The following CD33 variants were observed in gnomAD, a reference collection of about 807,000 sequenced individuals.
CD33 encodes CD33 molecule.
CD33 carries 25 observed loss-of-function variants against 31.4 expected under a neutral mutation model. The ratio of observed to expected loss-of-function variants is 0.80; its 90% CI spans 0.58 to 1.11. The LOEUF (loss-of-function observed/expected upper bound fraction) is 1.11. CD33 is among the 50% of genes most tolerant of loss of function. The pLI, the probability that CD33 is intolerant of heterozygous loss-of-function variation, is 0.00. For synonymous variants in CD33, 176 were observed against 180.6 expected, an observed-to-expected ratio of 0.97 and a Z score of 0.20; for missense variants, 407 against 448.1, an observed-to-expected ratio of 0.91 and a Z score of 0.83.
the CD33 span, among the ~76,000 whole-genome samples, chr19:51,214,546 A>T: frequency 6.6e-6 from 1 of 152,208 alleles, no homozygotes; most frequent in Non-Finnish European, 1.5e-5. Context: ...TGTAAGGTAC[A>T]TCATTGTAGA....
chr19:51,231,625 T>G (rs1981424549), intron 4 of CD33, among the ~76,000 whole-genome samples: 1 of 149,058 alleles, frequency 6.7e-6, no homozygotes, highest in Admixed American at 6.8e-5. Flanking sequence ...TTTGTAGTGA[T>G]AAGATTTGAT....
the CD33 span, among the ~76,000 whole-genome samples, chr19:51,219,568 A>T: frequency 6.6e-6 from 1 of 152,190 alleles, no homozygotes; most frequent in Non-Finnish European, 1.5e-5. Flanking sequence ...CAGGTTGAAT[A>T]GCAATGAAGA....
At chr19:51,224,019 A>G (rs1394818245), upstream of CD33, among the ~76,000 whole-genome samples, 1 of 152,218 alleles carries the variant, frequency 6.6e-6, no homozygotes, top group Non-Finnish European at 1.5e-5. Context: ...TGTAAGAATT[A>G]AAGAAAGAGG....
the CD33 span, chr19:51,211,380 C>T: frequency 1.9e-6 from 3 of 1,558,698 alleles, no homozygotes; most frequent in Non-Finnish European, 2.6e-6. Flanking sequence ...TATCCAGGGA[C>T]TCTCCAGTGG....
the CD33 span, among the ~76,000 whole-genome samples, chr19:51,212,611 C>G: frequency 6.6e-6 from 1 of 152,088 alleles, no homozygotes; most frequent in South Asian, 2.1e-4. Flanking sequence ...CAGACCCAGC[C>G]TTTCAGCTTC....
Position 51,239,506 on chromosome 19 carries a change from C to T in CD33, c.925-12C>T. 2 of 1,578,128 alleles carry T rather than the reference C, an allele frequency of 1.3e-6. No individual in the cohort carries two copies. The highest frequency in any genetic ancestry group is 1.2e-5 in the South Asian group (1 of 85,442). ...CTGCCCTGCTCTAACCCCCTTCTTT[C>T]CTCTCCATAAGAAACACCAGAAGAA... On this transcript the variant is annotated splice_polypyrimidine_tract_variant and intron_variant, in intron 6 of 6. Transcript: ENST00000262262.
chr19:51,238,368 G>A (rs1244166902), intron 6 of CD33: 1 of 152,216 alleles, frequency 6.6e-6, no homozygotes, highest in Non-Finnish European at 1.5e-5. Context: ...CACAGAGGTT[G>A]GGAGCTTCCC....
At chr19:51,234,919 G>A (rs1048239677) in intron 4 of CD33, among the ~76,000 whole-genome samples, 2 of 152,170 alleles carry the variant, frequency 1.3e-5, no homozygotes, top group Non-Finnish European at 2.9e-5. Context: ...AGGAACCTGA[G>A]TCCTAGGAGA....
rs1568438536 is a variant in CD33 at position 51,239,770 on chromosome 19, T to A, written c.*82T>A. 2.6e-6 allele frequency: 3 copies of A among 1,147,156 alleles called. No homozygotes were observed. Among genetic ancestry groups the A allele is most frequent in the African/African-American group, 1.6e-5 (1 of 64,468 alleles). 71.1% of individuals were successfully genotyped at this position (1,147,156 alleles called of 1,614,324 possible). ...GACCAAAGGCTGATTCTTGGAGATT[T>A]AACACCCCACAGGCAATGGGTTTAT... On this transcript the variant is annotated 3_prime_UTR_variant, in exon 7 of 7. Transcript: ENST00000262262.
intron 4 of CD33, among the ~76,000 whole-genome samples, chr19:51,227,005 A>G (rs1439262481): frequency 1.3e-5 from 2 of 151,960 alleles, no homozygotes. Context: ...TTCATTTAAC[A>G]TAATGTCCTC....
At chr19:51,217,083 C>T in the CD33 span, among the ~76,000 whole-genome samples, 5 of 152,160 alleles carry the variant, frequency 3.3e-5, no homozygotes, top group Admixed American at 1.3e-4. Context: ...AACCTAGAGC[C>T]TTTGTGGAGA....
the CD33 span, among the ~76,000 whole-genome samples, chr19:51,218,416 C>A: frequency 1.3e-5 from 2 of 152,106 alleles, no homozygotes; most frequent in Non-Finnish European, 2.9e-5. Flanking sequence ...CTTGTACATT[C>A]TGGATATTAG....
the CD33 span, among the ~76,000 whole-genome samples, chr19:51,217,694 C>T: frequency 2.0e-5 from 3 of 152,220 alleles, no homozygotes; most frequent in African/African-American, 7.2e-5. Flanking sequence ...GCTGAGATTA[C>T]AGGCATGAGC....
chr19:51,218,504 A>G, the CD33 span, among the ~76,000 whole-genome samples: 1 of 151,986 alleles, frequency 6.6e-6, no homozygotes, highest in Non-Finnish European at 1.5e-5. Flanking sequence ...ATTATTTTTT[A>G]TGCTATGCAG....
At chr19:51,229,404 G>A (rs1468413610) in intron 4 of CD33, among the ~76,000 whole-genome samples, 1 of 152,068 alleles carries the variant, frequency 6.6e-6, no homozygotes, top group Non-Finnish European at 1.5e-5. Context: ...TGCTGGCCTT[G>A]TAGAATGAGT....
At chr19:51,235,444 G>C in intron 5 of CD33, 151 bp from the exon 6 acceptor site, 2 of 1,384,236 alleles carry the variant, frequency 1.4e-6, no homozygotes, top group South Asian at 3.0e-5. Flanking sequence ...CAAGGAGTGG[G>C]AGGTAGAGGG....
At chr19:51,211,898 C>G in the CD33 span, 4 of 1,441,532 alleles carry the variant, frequency 2.8e-6, no homozygotes, top group African/African-American at 1.4e-5. Context: ...GGACGCCCCC[C>G]ATCTTCTCCT....
chr19:51,225,295 G>A lies in CD33; in HGVS notation c.115G>A (p.Val39Met), dbSNP rs768431641. Reference sequence around the variant, plus strand: ...GGTACAGGAGGGTTTGTGCGTCCTCGTGCCCTGCACTTTCTTCCATCCCAT... The same window carrying A: ...GGTACAGGAGGGTTTGTGCGTCCTCATGCCCTGCACTTTCTTCCATCCCAT... Reference protein sequence around the residue: ...VTVQEGLCVLVPCTFFHPIPY... With the variant: ...VTVQEGLCVLMPCTFFHPIPY... The change falls in exon 2 of 7, where the codon GTG (valine) becomes ATG (methionine). Residue 39 changes from valine (V) to methionine (M), a missense_variant. Transcript: ENST00000262262. 23 of 1,614,042 alleles carry A rather than the reference G, an allele frequency of 1.4e-5. No individual in the cohort carries two copies. The highest frequency in any genetic ancestry group is 8.0e-5 in the African/African-American group (6 of 74,900).
upstream of CD33, among the ~76,000 whole-genome samples, chr19:51,220,290 C>A (rs273637): frequency 0.078 from 11,892 of 152,156 alleles, 1,516 homozygotes; most frequent in African/African-American, 0.27. Flanking sequence ...AGTTCCTCTC[C>A]ATGTTTTGAA....
Sources: gnomAD v4.1 joint callset for allele counts (sites outside exome capture counted in the v4.1 genomes callset) on GRCh38, gnomAD v4.1.1 for gene constraint, MANE v1.5 for transcripts, NCBI Gene and HGNC (gene_info 2026-07-23, HGNC 2026-07-21) for gene names.